The following RGS21 variants were observed in gnomAD, a reference collection of about 807,000 sequenced individuals.
The protein encoded by RGS21 is regulator of G protein signaling 21.
RGS21 carries 19 observed loss-of-function variants against 18.7 expected under a neutral mutation model. The observed-to-expected ratio is 1.01, with a 90% CI of 0.71 to 1.49. The LOEUF (loss-of-function observed/expected upper bound fraction) is 1.49, where lower values mean the gene tolerates loss of function less well. Among genes scored for constraint, RGS21 ranks in the 40% most tolerant of loss-of-function variants. The pLI, the probability that RGS21 is intolerant of heterozygous loss-of-function variation, is 0.00. For missense variants in RGS21, 194 were observed against 176.8 expected, an observed-to-expected ratio of 1.10 and a Z score of -0.55; for synonymous variants, 56 against 57.8, an observed-to-expected ratio of 0.97 and a Z score of 0.14.
chr1:192,331,517 A>C (rs1481282238), intron 1 of RGS21, among the ~76,000 whole-genome samples: 1 of 151,860 alleles, frequency 6.6e-6, no homozygotes, highest in African/African-American at 2.4e-5. Context: ...ACTGCACTCC[A>C]GCCTGGTGAC....
chr1:192,319,388 A>AT (rs1658464566), intron 1 of RGS21, among the ~76,000 whole-genome samples: 1 of 152,220 alleles, frequency 6.6e-6, no homozygotes, highest in African/African-American at 2.4e-5. Context: ...CATATATATA[A>AT]TTTTCTTCTG....
rs1659259134 is a variant in RGS21, at chr1:192,366,278, T to C, written c.*154T>C. The C allele has an allele frequency of 3.4e-6, 2 of 594,260 alleles. No individual in the cohort carries two copies. Among genetic ancestry groups the C allele is most frequent in the Non-Finnish European group, 5.9e-6 (2 of 340,126 alleles). 36.8% of individuals were successfully genotyped at this position (594,260 alleles called of 1,614,324 possible). On this transcript the variant is annotated 3_prime_UTR_variant, in exon 5 of 5. Transcript: ENST00000417209. The stretch of plus-strand genomic sequence containing the variant: ...GTTTTATACAACAAGCCTGAATTTC[T>C]AACTCAGTTGTTTAGAATGTATTTG...
chr1:192,319,031 A>C (rs1450614019), intron 1 of RGS21, among the ~76,000 whole-genome samples: 3 of 152,032 alleles, frequency 2.0e-5, no homozygotes, highest in African/African-American at 7.2e-5. Context: ...GAAATTCAAG[A>C]CCAGTCCGGG....
chr1:192,319,766 T>C (rs1404968513), intron 1 of RGS21, among the ~76,000 whole-genome samples: 1 of 152,124 alleles, frequency 6.6e-6, no homozygotes, highest in Non-Finnish European at 1.5e-5. Context: ...TCTGCTACAA[T>C]GTGTGATACA....
At chr1:192,336,775 G>GT (rs891831081) in intron 1 of RGS21, among the ~76,000 whole-genome samples, 51 of 151,830 alleles carry the variant, frequency 3.4e-4, no homozygotes, top group African/African-American at 1.2e-3. Flanking sequence ...CAAGTTAAGG[G>GT]TTAAAAAAAA....
At chr1:192,330,059 T>G (rs1378387892) in intron 1 of RGS21, among the ~76,000 whole-genome samples, 1 of 152,184 alleles carries the variant, frequency 6.6e-6, no homozygotes, top group Non-Finnish European at 1.5e-5. Context: ...TATTGTTATA[T>G]ATGAGGTAAT....
intron 1 of RGS21, among the ~76,000 whole-genome samples, chr1:192,333,302 A>ACACACACACACT (rs1370923700): frequency 2.0e-5 from 3 of 151,384 alleles, no homozygotes; most frequent in Admixed American, 2.0e-4. Context: ...ACACACACAC[A>ACACACACACACT]CTTACCATAG....
chr1:192,341,155 C>T lies in RGS21; in HGVS notation c.-60-1822C>T, dbSNP rs139606306. Among the ~76,000 whole-genome samples the T allele has an allele frequency of 3.3e-3, 503 of 152,130 alleles. 2 individuals are homozygous for T. The highest frequency in any genetic ancestry group is 6.8e-3 in the Middle Eastern group (2 of 294). On this transcript the variant is annotated intron_variant, in intron 1 of 4. Transcript: ENST00000417209. The stretch of plus-strand genomic sequence containing the variant: ...CCCCTTTCTCACATCACTCCAACAT[C>T]TTGTTTTCATCCTGAAATATCCTAC...
intron 2 of RGS21, among the ~76,000 whole-genome samples, chr1:192,346,653 T>C (rs1234586912): frequency 6.6e-6 from 1 of 152,106 alleles, no homozygotes; most frequent in Non-Finnish European, 1.5e-5. Flanking sequence ...AAAGTAACCT[T>C]CTTCAGAAGA....
At chr1:192,347,779 C>A (rs940275359) in intron 3 of RGS21, among the ~76,000 whole-genome samples, 6 of 152,084 alleles carry the variant, frequency 3.9e-5, no homozygotes, top group African/African-American at 1.4e-4. Context: ...CCTGACTCAG[C>A]CTCCTGAGTA....
At chr1:192,339,379 G>A (rs1658818440) in intron 1 of RGS21, among the ~76,000 whole-genome samples, 1 of 151,938 alleles carries the variant, frequency 6.6e-6, no homozygotes, top group Non-Finnish European at 1.5e-5. Flanking sequence ...GTTAATAGTG[G>A]GGTCTCATGT....
At chr1:192,334,254 T>C (rs867005189) in intron 1 of RGS21, among the ~76,000 whole-genome samples, 3 of 152,128 alleles carry the variant, frequency 2.0e-5, no homozygotes, top group Admixed American at 6.5e-5. Context: ...GTACTTGTCA[T>C]GTAACCATGA....
At chr1:192,322,079 G>T (rs1658505208) in intron 1 of RGS21, among the ~76,000 whole-genome samples, 1 of 152,062 alleles carries the variant, frequency 6.6e-6, no homozygotes, top group African/African-American at 2.4e-5. Flanking sequence ...CCTGCCCCTT[G>T]CAGGGGACTG....
intron 4 of RGS21, among the ~76,000 whole-genome samples, chr1:192,364,576 G>T (rs1282364859): frequency 6.6e-6 from 1 of 152,034 alleles, no homozygotes; most frequent in Non-Finnish European, 1.5e-5. Context: ...AAGTAGCTGA[G>T]GAGGAATTTG....
In RGS21 at chr1:192,358,121, C is replaced by T. The variant is rs184035935; in HGVS notation, c.255+5908C>T. Among the ~76,000 whole-genome samples, 13 of 152,100 alleles carry T rather than the reference C, an allele frequency of 8.5e-5. 1 individual carries two copies. The South Asian group carries it at 2.7e-3, about 32-fold the overall frequency. Reference sequence around the variant, plus strand: ...TAGCCATCCGTACACGTTATGATTTCATATGTGTCATCTCCTTTATCACCA... The same window carrying T: ...TAGCCATCCGTACACGTTATGATTTTATATGTGTCATCTCCTTTATCACCA... On this transcript the variant is annotated intron_variant, in intron 4 of 4. Coordinates refer to ENST00000417209, the MANE Select transcript of RGS21 (RefSeq NM_001039152.3).
intron 1 of RGS21, among the ~76,000 whole-genome samples, chr1:192,341,989 C>T (rs1658878194): frequency 6.6e-6 from 1 of 152,034 alleles, no homozygotes; most frequent in Admixed American, 6.6e-5. Context: ...GATTTCCCTT[C>T]TTAATGATAC....
intron 1 of RGS21, among the ~76,000 whole-genome samples, chr1:192,328,555 C>G (rs902137418): frequency 6.6e-6 from 1 of 151,996 alleles, no homozygotes; most frequent in East Asian, 1.9e-4. Context: ...ATGGCAAAGA[C>G]TTTTATTTTT....
At chr1:192,328,182 C>T (rs146395173) in intron 1 of RGS21, among the ~76,000 whole-genome samples, 212 of 152,282 alleles carry the variant, frequency 1.4e-3, no homozygotes, top group African/African-American at 4.9e-3. Flanking sequence ...TATTCTTAAT[C>T]ACCACATATG....
At chr1:192,321,468 G>C (rs752402648) in intron 1 of RGS21, among the ~76,000 whole-genome samples, 2 of 151,834 alleles carry the variant, frequency 1.3e-5, no homozygotes, top group African/African-American at 2.4e-5. Flanking sequence ...CTAATCCCCA[G>C]GCATATTGAT....
Sources: gnomAD v4.1 joint callset for allele counts (sites outside exome capture counted in the v4.1 genomes callset) on GRCh38, gnomAD v4.1.1 for gene constraint, MANE v1.5 for transcripts, NCBI Gene and HGNC (gene_info 2026-07-23, HGNC 2026-07-21) for gene names.